PLXNA4: variants seen among roughly 807,000 people sequenced by gnomAD.
PLXNA4 encodes plexin-A4.
PLXNA4 carries 44 observed loss-of-function variants against 191.8 expected under a neutral mutation model. That is an observed-to-expected ratio of 0.23 (90% confidence interval 0.18 to 0.29). The LOEUF is 0.29. Ranked by LOEUF, PLXNA4 falls within the 10% of genes least tolerant of loss-of-function variation. The pLI, the probability that PLXNA4 is intolerant of heterozygous loss-of-function variation, is 1.00. For synonymous variants in PLXNA4, 1,082 were observed against 1,009.5 expected (o/e 1.07, Z -1.36); for missense variants, 1,800 against 2,488.8 (o/e 0.72, Z 5.89).
chr7:132,603,609 C>T (rs1802862411), intron 2 of PLXNA4, among the ~76,000 whole-genome samples: 2 of 152,136 alleles, frequency 1.3e-5, no homozygotes, highest in Admixed American at 1.3e-4. Flanking sequence ...AGTAGAGAAG[C>T]CACTGCTGAA....
chr7:132,422,033 G>T (rs1794868687), intron 3 of PLXNA4, among the ~76,000 whole-genome samples: 1 of 152,182 alleles, frequency 6.6e-6, no homozygotes, highest in African/African-American at 2.4e-5. Context: ...CCTTTCACAG[G>T]GAAGTCGTTG....
chr7:132,427,178 G>A (rs1328077791), intron 3 of PLXNA4, among the ~76,000 whole-genome samples: 2 of 152,192 alleles, frequency 1.3e-5, no homozygotes, highest in African/African-American at 2.4e-5. Context: ...AGAGCTTCTG[G>A]GAGACAAAAG....
Position 132,175,036 on chromosome 7 carries a change from C to T in PLXNA4, c.3875-116G>A, listed in dbSNP as rs926719826. 46 of 1,462,064 alleles carry T rather than the reference C, an allele frequency of 3.1e-5. No individual in the cohort carries two copies. The Admixed American group carries it at 6.1e-4, about 19-fold the overall frequency. The allele number at this position is 1,462,064 out of a possible 1,614,324, so 90.6% of individuals were successfully genotyped here. A position where few individuals can be genotyped will look rare whatever the true frequency, so the allele number is the denominator to read the frequency against. On this transcript the variant is annotated intron_variant, in intron 20 of 31. Coordinates refer to ENST00000321063, the MANE Select transcript of PLXNA4 (RefSeq NM_020911.2). ...CCTAGGAGACATGAGCAATGGACCA[C>T]GATGGGCGGGAATAACTGGAGAGGC... is the stretch of plus-strand genomic sequence containing the variant.
chr7:132,228,460 C>T lies in PLXNA4; in HGVS notation c.1614G>A (p.Arg538=). 6.2e-7 allele frequency: 1 copy of T among 1,614,162 alleles called. No individual in the cohort carries two copies. Among genetic ancestry groups the T allele is most frequent in the Non-Finnish European group, 8.5e-7 (1 of 1,180,034 alleles). The change falls in exon 6 of 32, where the codon CGG becomes CGA. Residue 538 remains arginine, a synonymous_variant. Coordinates refer to ENST00000321063, the MANE Select transcript of PLXNA4 (RefSeq NM_020911.2). ...CCTTGGACCGCTCACACCGCTCCTT[C>T]CGGGTGCAACTGGGAAGGACATACC... ...GWCVLHNTCT[R]KERCERSKEP... is the part of the protein sequence containing the mutation.
chr7:132,485,578 C>G (rs773364535), intron 3 of PLXNA4, among the ~76,000 whole-genome samples: 1 of 152,224 alleles, frequency 6.6e-6, no homozygotes, highest in Non-Finnish European at 1.5e-5. Flanking sequence ...TGTCCCAACT[C>G]AAGCCAAAGA....
intron 4 of PLXNA4, among the ~76,000 whole-genome samples, chr7:132,262,803 T>A (rs1799698722): frequency 6.6e-6 from 1 of 152,004 alleles, no homozygotes; most frequent in Non-Finnish European, 1.5e-5. Context: ...AGATGCTGGG[T>A]CTAAGGGGTC....
chr7:132,457,878 G>A (rs914346055), intron 3 of PLXNA4, among the ~76,000 whole-genome samples: 6 of 152,218 alleles, frequency 3.9e-5, no homozygotes, highest in Non-Finnish European at 8.8e-5. Flanking sequence ...GCTGGAAAAG[G>A]CAAGGCAATG....
At chr7:132,426,710 A>T (rs772097886) in intron 3 of PLXNA4, among the ~76,000 whole-genome samples, 2 of 152,170 alleles carry the variant, frequency 1.3e-5, no homozygotes, top group Non-Finnish European at 2.9e-5. Flanking sequence ...CAGAACATGC[A>T]TTCTCAATGG....
chr7:132,311,233 A>G (rs1801729610), intron 3 of PLXNA4, among the ~76,000 whole-genome samples: 2 of 147,794 alleles, frequency 1.4e-5, no homozygotes, highest in African/African-American at 5.1e-5. Context: ...GAAGTGAGGG[A>G]TGCATGTGAC....
chr7:132,578,559 G>C (rs546549078), upstream of PLXNA4, among the ~76,000 whole-genome samples: 3 of 152,144 alleles, frequency 2.0e-5, no homozygotes, highest in Admixed American at 6.5e-5. Flanking sequence ...GTGTGAATTG[G>C]GGAGCCTTTG....
intron 3 of PLXNA4, among the ~76,000 whole-genome samples, chr7:132,392,192 G>A (rs1319039051): frequency 9.2e-5 from 14 of 152,098 alleles, no homozygotes. Flanking sequence ...ATTACTCATT[G>A]ATATTTCTGT....
intron 1 of PLXNA4, among the ~76,000 whole-genome samples, chr7:132,569,559 A>G (rs1801881510): frequency 6.6e-6 from 1 of 152,248 alleles, no homozygotes; most frequent in Non-Finnish European, 1.5e-5. Flanking sequence ...AATATGTTTA[A>G]TCACCGATCT....
At chr7:132,463,961 C>T (rs1796607534) in intron 3 of PLXNA4, among the ~76,000 whole-genome samples, 1 of 152,190 alleles carries the variant, frequency 6.6e-6, no homozygotes, top group South Asian at 2.1e-4. Context: ...AGTACTTCTC[C>T]CCACACCAGC....
rs984088432 is a variant in PLXNA4, at chr7:132,125,403, C to T, written c.*5076G>A. The T allele has an allele frequency of 3.3e-5, 5 of 151,938 alleles. No individual in the cohort carries two copies. The highest frequency in any genetic ancestry group is 1.9e-4 in the East Asian group (1 of 5,172). The allele number at this position is 151,938 out of a possible 1,614,324, so 9.4% of individuals were successfully genotyped here. A position where few individuals can be genotyped will look rare whatever the true frequency, so the allele number is the denominator to read the frequency against. ...TGTCCTCATCCAGGGAATGTCCTGACCCATTTTTTTTTTTCAATGGGGGAG... is the reference window on the plus strand; with the variant it reads ...TGTCCTCATCCAGGGAATGTCCTGATCCATTTTTTTTTTTCAATGGGGGAG... On this transcript the variant is annotated 3_prime_UTR_variant, in exon 32 of 32. Transcript: ENST00000321063.
rs576102115 is a variant in PLXNA4, at chr7:132,388,578, G to T, written c.1372-90356C>A. Among the ~76,000 whole-genome samples the T allele has an allele frequency of 5.3e-5, 8 of 152,258 alleles. No homozygotes were observed. In the South Asian group the frequency reaches 1.7e-3, roughly 32 times the overall value. On this transcript the variant is annotated intron_variant, in intron 3 of 31. Coordinates refer to ENST00000321063, the MANE Select transcript of PLXNA4 (RefSeq NM_020911.2). Reference sequence around the variant, plus strand: ...CTTATTAATGTCTTTTCTGTGTCCTGACCATGTATTTTTAGCAATCCAACT... The same window carrying T: ...CTTATTAATGTCTTTTCTGTGTCCTTACCATGTATTTTTAGCAATCCAACT...
intron 5 of PLXNA4, among the ~76,000 whole-genome samples, chr7:132,230,958 G>T (rs1353848332): frequency 6.6e-6 from 1 of 152,140 alleles, no homozygotes; most frequent in Non-Finnish European, 1.5e-5. Flanking sequence ...GGAAGAGGTG[G>T]CACACAGGTG....
chr7:132,214,685 C>G (rs570692484), intron 9 of PLXNA4, among the ~76,000 whole-genome samples: 24 of 152,220 alleles, frequency 1.6e-4, no homozygotes, highest in African/African-American at 5.3e-4. Flanking sequence ...GAGCCCGAGG[C>G]CCTGTTTCAT....
intron 3 of PLXNA4, chr7:132,484,829 C>G (rs752240479): frequency 6.2e-7 from 1 of 1,613,828 alleles, no homozygotes; most frequent in South Asian, 1.1e-5. Flanking sequence ...GGAAGAATTC[C>G]CAGGTACATT....
intron 3 of PLXNA4, among the ~76,000 whole-genome samples, chr7:132,396,181 G>A (rs1793747525): frequency 6.6e-6 from 1 of 152,162 alleles, no homozygotes; most frequent in Non-Finnish European, 1.5e-5. Flanking sequence ...GGGCAGAAAG[G>A]ACTCTGGAGA....
Sources: allele counts gnomAD v4.1 joint callset (sites outside exome capture counted in the v4.1 genomes callset), GRCh38; gene constraint gnomAD v4.1.1; transcripts MANE v1.5; gene names NCBI Gene and HGNC (gene_info 2026-07-23, HGNC 2026-07-21).